The following PLEKHA5 variants were observed in gnomAD, a reference collection of about 807,000 sequenced individuals.
The protein encoded by PLEKHA5 is pleckstrin homology domain containing A5, also known as pleckstrin homology domain-containing family A member 5.
Under a neutral mutation model 181.9 loss-of-function variants are expected in PLEKHA5, and 55 were observed. The observed-to-expected ratio is 0.30, with a 90% CI of 0.24 to 0.38. PLEKHA5 has a LOEUF of 0.38. Among genes scored for constraint, PLEKHA5 ranks in the 10% least tolerant of loss-of-function variants. PLEKHA5 has a pLI of 1.00. For missense variants in PLEKHA5, 1,432 were observed against 1,549.5 expected (o/e 0.92, Z 1.27); for synonymous variants, 535 against 529.4 (o/e 1.01, Z -0.15).
At chr12:19,346,941 A>G (rs1416680677) in intron 23 of PLEKHA5, 53 bp from the exon 24 acceptor site, 1 of 1,153,892 alleles carries the variant, frequency 8.7e-7, no homozygotes, top group South Asian at 2.0e-5. Context: ...GAATTTAGAT[A>G]TGCTTAATTC....
chr12:19,203,853 T>TA (rs1555105928), intron 3 of PLEKHA5, among the ~76,000 whole-genome samples: 2 of 151,610 alleles, frequency 1.3e-5, no homozygotes, highest in East Asian at 1.9e-4. Context: ...TTAGATTTTT[T>TA]ATTTGTTTCT....
chr12:19,246,349 G>A (rs1160423160), intron 3 of PLEKHA5, among the ~76,000 whole-genome samples: 2 of 151,704 alleles, frequency 1.3e-5, no homozygotes, highest in Non-Finnish European at 1.5e-5. Context: ...TTAAGGCTGG[G>A]TGCGGTGGCT....
chr12:19,346,016 G>T, intron 23 of PLEKHA5, 128 bp downstream of exon 23: 1 of 448,146 alleles, frequency 2.2e-6, no homozygotes, highest in Non-Finnish European at 4.0e-6. Flanking sequence ...TATTGTTTTA[G>T]TCTTGAAATT....
rs894937879 is a variant in PLEKHA5, at chr12:19,130,302, G to A, written c.169+172G>A. ...AGGGGCCACGGGGACTCCGCCGCCG[G>A]GAGTTCTCTCCAGTCTCGGGGCGCC... On this transcript the variant is annotated intron_variant, in intron 2 of 31. Transcript: ENST00000429027. The surrounding 1 kb of genome is among the most constrained non-coding windows in gnomAD (Gnocchi z 4.5). Among the ~76,000 whole-genome samples the A allele has an allele frequency of 1.3e-5, 2 of 151,986 alleles. No homozygotes were observed. The highest frequency in any genetic ancestry group is 1.3e-4 in the Admixed American group (2 of 15,264).
chr12:19,281,013 A>T (rs2076003860), intron 11 of PLEKHA5, among the ~76,000 whole-genome samples: 1 of 152,082 alleles, frequency 6.6e-6, no homozygotes, highest in Admixed American at 6.6e-5. Context: ...GCCCAGCCTA[A>T]TCTTACTTTT....
chr12:19,283,997 C>G (rs1291251919), intron 12 of PLEKHA5, among the ~76,000 whole-genome samples: 1 of 152,170 alleles, frequency 6.6e-6, no homozygotes. Context: ...TCTGTTTTCT[C>G]TGCTTGATAC....
Position 19,353,945 on chromosome 12 carries a change from G to T in PLEKHA5, c.3081G>T (p.Ser1027=). The T allele has an allele frequency of 6.2e-7, 1 of 1,610,948 alleles. No homozygotes were observed. Among genetic ancestry groups the T allele is most frequent in the East Asian group, 2.2e-5 (1 of 44,800 alleles). The part of the protein sequence containing the change: ...PRAKSPTPES[S]TIASYVTLRK... ...CAAAATCACCAACACCCGAATCTTC[G>T]ACAATAGCTTCCTATGTAACCTTGA... The change falls in exon 26 of 32, where the codon TCG becomes TCT. Residue 1027 remains serine, a synonymous_variant. Coordinates refer to ENST00000429027, the MANE Select transcript of PLEKHA5 (RefSeq NM_001256470.2).
At chr12:19,168,416 G>A (rs888905191) in intron 3 of PLEKHA5, among the ~76,000 whole-genome samples, 1 of 151,886 alleles carries the variant, frequency 6.6e-6, no homozygotes, top group Non-Finnish European at 1.5e-5. Context: ...TTGTGCCACA[G>A]ATGAAACAAA....
chr12:19,212,865 C>T (rs755819614), intron 3 of PLEKHA5, among the ~76,000 whole-genome samples: 191 of 144,698 alleles, frequency 1.3e-3, no homozygotes, highest in Middle Eastern at 3.8e-3. Context: ...TTCAGGCTCC[C>T]GGAGACTGTA....
At chr12:19,241,828 T>G (rs747771469) in intron 3 of PLEKHA5, among the ~76,000 whole-genome samples, 2 of 150,188 alleles carry the variant, frequency 1.3e-5, no homozygotes, top group Non-Finnish European at 3.0e-5. Context: ...TTAAAAAGAG[T>G]CTTAGAACCA....
At chr12:19,317,118 A>G (rs532572878) in intron 16 of PLEKHA5, among the ~76,000 whole-genome samples, 1 of 152,238 alleles carries the variant, frequency 6.6e-6, no homozygotes, top group African/African-American at 2.4e-5. Context: ...TGTAATCCCA[A>G]CAATTTATGA....
chr12:19,254,248 T>C (rs1028269658), intron 4 of PLEKHA5, among the ~76,000 whole-genome samples: 2 of 152,192 alleles, frequency 1.3e-5, no homozygotes, highest in Non-Finnish European at 2.9e-5. Flanking sequence ...TCAAACGCAG[T>C]AAGCTCAAGA....
At chr12:19,323,504 A>C (rs961834275) in intron 20 of PLEKHA5, among the ~76,000 whole-genome samples, 1 of 151,890 alleles carries the variant, frequency 6.6e-6, no homozygotes, top group African/African-American at 2.4e-5. Flanking sequence ...ACTCTGTCTC[A>C]ATCAATCAAT....
At chr12:19,307,962 G>A (rs1328365528) in intron 15 of PLEKHA5, among the ~76,000 whole-genome samples, 1 of 151,802 alleles carries the variant, frequency 6.6e-6, no homozygotes, top group Non-Finnish European at 1.5e-5. Flanking sequence ...AAATAGGTAT[G>A]AAAGAGAACG....
At chr12:19,363,885 G>A (rs1213336568) in intron 29 of PLEKHA5, among the ~76,000 whole-genome samples, 2 of 152,156 alleles carry the variant, frequency 1.3e-5, no homozygotes, top group African/African-American at 4.8e-5. Context: ...ACTGTTATTA[G>A]GAATGCCTTG....
intron 3 of PLEKHA5, among the ~76,000 whole-genome samples, chr12:19,251,614 A>G (rs959146171): frequency 1.2e-4 from 18 of 151,908 alleles, no homozygotes; most frequent in Non-Finnish European, 2.9e-5. Flanking sequence ...AAAATCATGC[A>G]TAAGCAAATG....
intron 3 of PLEKHA5, among the ~76,000 whole-genome samples, chr12:19,202,680 T>C (rs2054467698): frequency 6.6e-6 from 1 of 152,068 alleles, no homozygotes; most frequent in South Asian, 2.1e-4. Flanking sequence ...CCTAACAAAC[T>C]GTGGTCTCTG....
At chr12:19,355,383 ACTCTATT>A (rs199944068) in intron 26 of PLEKHA5, among the ~76,000 whole-genome samples, 3,076 of 122,110 alleles carry the variant, frequency 0.025, 52 homozygotes, top group Middle Eastern at 0.062. Context: ...ATAGGGTTTC[ACTCTATT>A]GCCTGGGCTG....
At chr12:19,339,328 A>T (rs1283732275) in intron 21 of PLEKHA5, among the ~76,000 whole-genome samples, 1 of 152,164 alleles carries the variant, frequency 6.6e-6, no homozygotes, top group Non-Finnish European at 1.5e-5. Context: ...GGCATGAGCC[A>T]CCGTGCCCGG....
Sources: gnomAD v4.1 joint callset for allele counts (sites outside exome capture counted in the v4.1 genomes callset) on GRCh38, gnomAD v4.1.1 for gene constraint, Gnocchi (gnomAD v3.1) non-coding constraint, MANE v1.5 for transcripts, NCBI Gene and HGNC (gene_info 2026-07-23, HGNC 2026-07-21) for gene names.